Variants in MSRA observed in about 807,000 individuals in gnomAD.
MSRA encodes mitochondrial peptide methionine sulfoxide reductase.
Under a neutral mutation model 31.3 loss-of-function variants are expected in MSRA, and 54 were observed. The observed-to-expected ratio is 1.73, with a 90% CI of 1.39 to 2.17. MSRA has a LOEUF of 2.17. MSRA is among the 30% of genes most tolerant of loss of function. The pLI is 0.00. For synonymous variants in MSRA, 169 were observed against 116.5 expected, an observed-to-expected ratio of 1.45 and a Z score of -2.90; for missense variants, 507 against 300.9, an observed-to-expected ratio of 1.69 and a Z score of -5.07.
chr8:10,181,122 C>T (rs191575707), intron 1 of MSRA, among the ~76,000 whole-genome samples: 45 of 152,240 alleles, frequency 3.0e-4, no homozygotes, highest in Admixed American at 1.2e-3. Flanking sequence ...AATACTTGTC[C>T]GCAGATGGGA....
chr8:10,067,243 T>G (rs540325878), intron 1 of MSRA, among the ~76,000 whole-genome samples: 24 of 152,360 alleles, frequency 1.6e-4, no homozygotes, highest in South Asian at 4.1e-4. Context: ...CTTTGCTTTT[T>G]CCAGAATGTC....
intron 3 of MSRA, among the ~76,000 whole-genome samples, chr8:10,255,438 T>C (rs774762985): frequency 8.5e-5 from 13 of 152,328 alleles, no homozygotes; most frequent in Non-Finnish European, 1.5e-4. Context: ...AATTCCGTTT[T>C]CAATTTCAGC....
intron 3 of MSRA, among the ~76,000 whole-genome samples, chr8:10,261,545 T>C (rs1380161973): frequency 1.3e-5 from 2 of 152,116 alleles, no homozygotes. Flanking sequence ...AAACCTTTTT[T>C]TTAAGGACTT....
At chr8:10,199,638 G>C (rs1007677445) in intron 1 of MSRA, among the ~76,000 whole-genome samples, 2 of 152,108 alleles carry the variant, frequency 1.3e-5, no homozygotes, top group African/African-American at 4.8e-5. Flanking sequence ...TCCTAGGCTT[G>C]TAGTCACACT....
At chr8:10,366,864 C>A (rs1471663523) in intron 5 of MSRA, among the ~76,000 whole-genome samples, 1 of 152,162 alleles carries the variant, frequency 6.6e-6, no homozygotes, top group Non-Finnish European at 1.5e-5. Context: ...AGACCCAAGG[C>A]TGCCAGACCA....
At chr8:10,192,795 T>G (rs1404877883) in intron 1 of MSRA, among the ~76,000 whole-genome samples, 11 of 152,216 alleles carry the variant, frequency 7.2e-5, no homozygotes. Flanking sequence ...TGGAAAGAAT[T>G]ATATATGAGA....
intron 5 of MSRA, among the ~76,000 whole-genome samples, chr8:10,420,628 C>T (rs1808753916): frequency 6.6e-6 from 1 of 152,114 alleles, no homozygotes; most frequent in Non-Finnish European, 1.5e-5. Flanking sequence ...CTAACCCAGC[C>T]AGGTTCAGTG....
At chr8:10,331,582 A>G (rs1294154934) in intron 5 of MSRA, among the ~76,000 whole-genome samples, 3 of 152,150 alleles carry the variant, frequency 2.0e-5, no homozygotes, top group Admixed American at 1.3e-4. Flanking sequence ...GTCATTTGAC[A>G]CTGAATTCCA....
chr8:10,174,890 A>G (rs373364984), intron 1 of MSRA, among the ~76,000 whole-genome samples: 7 of 152,044 alleles, frequency 4.6e-5, no homozygotes, highest in African/African-American at 1.7e-4. Flanking sequence ...GTGTCTGTCA[A>G]TAGATCTCAT....
chr8:10,181,800 G>A (rs1806567752), intron 1 of MSRA, among the ~76,000 whole-genome samples: 1 of 152,198 alleles, frequency 6.6e-6, no homozygotes. Flanking sequence ...CATAGAGGTA[G>A]TCTCACCAAC....
At chr8:10,179,189 T>G (rs935256965) in intron 1 of MSRA, among the ~76,000 whole-genome samples, 18 of 152,200 alleles carry the variant, frequency 1.2e-4, no homozygotes, top group Non-Finnish European at 2.4e-4. Flanking sequence ...GCCTCTATAG[T>G]AATGTGATAA....
At chr8:10,213,461 CAG>C (rs1331845858) in intron 2 of MSRA, among the ~76,000 whole-genome samples, 1 of 99,922 alleles carries the variant, frequency 1.0e-5, no homozygotes, top group Non-Finnish European at 1.8e-5. Context: ...TTTTTTGAGA[CAG>C]AGTCTTGCCC....
At chr8:10,198,105 G>A (rs775883438) in intron 1 of MSRA, among the ~76,000 whole-genome samples, 2 of 152,042 alleles carry the variant, frequency 1.3e-5, no homozygotes, top group African/African-American at 2.4e-5. Context: ...TTTTTCAAGC[G>A]TTGCTTTCAG....
intron 3 of MSRA, among the ~76,000 whole-genome samples, chr8:10,264,013 C>G (rs191153158): frequency 2.0e-4 from 30 of 152,244 alleles, no homozygotes; most frequent in African/African-American, 7.2e-4. Context: ...TCACAGGCTT[C>G]AGATCTGTGT....
chr8:10,428,447 G>A lies in MSRA; in HGVS notation c.*135G>A, dbSNP rs575244560. ...GGAATTTATACAGATTGGGTTTACC[G>A]AAGTATAATCTATAGGAGGCGCGAT... On this transcript the variant is annotated 3_prime_UTR_variant, in exon 6 of 6. Transcript: ENST00000317173. 2.3e-4 allele frequency: 224 copies of A among 984,572 alleles called. 4 individuals carry two copies. The South Asian group carries it at 3.2e-3, about 14-fold the overall frequency. The allele number at this position is 984,572 out of a possible 1,614,324, so 61.0% of individuals were successfully genotyped here. A position where few individuals can be genotyped will look rare whatever the true frequency, so the allele number is the denominator to read the frequency against.
At chr8:10,147,808 C>G (rs76674039) in intron 1 of MSRA, among the ~76,000 whole-genome samples, 2 of 152,242 alleles carry the variant, frequency 1.3e-5, no homozygotes, top group African/African-American at 2.4e-5. Flanking sequence ...GGCTCGGAGA[C>G]AGGTCACCGT....
intron 1 of MSRA, among the ~76,000 whole-genome samples, chr8:10,086,141 A>G (rs1341728381): frequency 6.6e-6 from 1 of 152,222 alleles, no homozygotes; most frequent in Non-Finnish European, 1.5e-5. Flanking sequence ...TTATCATGTT[A>G]TATTCCCAGC....
chr8:10,236,429 A>T (rs1811945810), intron 2 of MSRA, among the ~76,000 whole-genome samples: 1 of 152,234 alleles, frequency 6.6e-6, no homozygotes, highest in African/African-American at 2.4e-5. Flanking sequence ...GTATACTAAA[A>T]TCAGGGTGTT....
intron 2 of MSRA, among the ~76,000 whole-genome samples, chr8:10,240,875 C>A (rs1348286263): frequency 6.6e-6 from 1 of 152,104 alleles, no homozygotes; most frequent in Non-Finnish European, 1.5e-5. Context: ...TCTCTGCCCC[C>A]AGCTGGTTTT....
Sources: allele counts gnomAD v4.1 joint callset (sites outside exome capture counted in the v4.1 genomes callset), GRCh38; gene constraint gnomAD v4.1.1; transcripts MANE v1.5; gene names NCBI Gene and HGNC (gene_info 2026-07-23, HGNC 2026-07-21).